CCSER1: variants seen among roughly 807,000 people sequenced by gnomAD.
CCSER1 encodes serine-rich coiled-coil domain-containing protein 1.
A neutral mutation model predicts 82.0 loss-of-function variants in CCSER1; 41 were observed. The observed-to-expected ratio is 0.50, with a 90% CI of 0.39 to 0.65. The LOEUF is 0.65. Among genes scored for constraint, CCSER1 ranks in the 30% least tolerant of loss-of-function variants. The pLI, the probability that CCSER1 is intolerant of heterozygous loss-of-function variation, is 0.00. For synonymous variants in CCSER1, 414 were observed against 383.9 expected (o/e 1.08, Z -0.92); for missense variants, 1,119 against 1,064.2 (o/e 1.05, Z -0.72).
intron 3 of CCSER1, among the ~76,000 whole-genome samples, chr4:90,358,628 A>G (rs1744755294): frequency 6.6e-6 from 1 of 152,146 alleles, no homozygotes; most frequent in Non-Finnish European, 1.5e-5. Context: ...AATTTGTTGT[A>G]TTTATAATAC....
At chr4:90,937,065 A>G (rs902073723) in intron 9 of CCSER1, among the ~76,000 whole-genome samples, 2 of 152,226 alleles carry the variant, frequency 1.3e-5, no homozygotes, top group Non-Finnish European at 2.9e-5. Flanking sequence ...TATTCTAGTC[A>G]ATGAAGACAG....
intron 7 of CCSER1, among the ~76,000 whole-genome samples, chr4:90,749,704 G>T (rs1748234979): frequency 6.6e-6 from 1 of 151,986 alleles, no homozygotes; most frequent in African/African-American, 2.4e-5. Context: ...TTGGACATTT[G>T]GGTTGGTTCC....
intron 10 of CCSER1, among the ~76,000 whole-genome samples, chr4:91,445,468 C>T (rs539379509): frequency 6.8e-4 from 103 of 151,184 alleles, no homozygotes; most frequent in African/African-American, 2.4e-3. Flanking sequence ...TTCTCCCAAG[C>T]GGTCACAGTG....
chr4:90,981,725 G>A (rs954650021), intron 9 of CCSER1, among the ~76,000 whole-genome samples: 6 of 151,840 alleles, frequency 4.0e-5, no homozygotes, highest in South Asian at 2.1e-4. Flanking sequence ...GGATAACTAC[G>A]TGAGCTCTGA....
chr4:91,069,034 TGCGGTG>T (rs756574158), intron 9 of CCSER1, among the ~76,000 whole-genome samples: 14 of 151,912 alleles, frequency 9.2e-5, no homozygotes, highest in Non-Finnish European at 1.5e-4. Context: ...ATTAGCTGGG[TGCGGTG>T]GCATGCACCT....
Position 90,628,166 on chromosome 4 carries a change from A to T in CCSER1, c.1866A>T (p.Arg622Ser). ...GAGGCATAGATTCTCTGCCATTCAG[A>T]CTGATGTTACAGGACTGCACGGCAG... Reference protein sequence around the residue: ...ENGGIDSLPFRLMLQDCTAVK... With the variant: ...ENGGIDSLPFSLMLQDCTAVK... The change falls in exon 6 of 11, where the codon AGA (arginine) becomes AGT (serine). Residue 622 changes from arginine (R) to serine (S), a missense_variant. Transcript: ENST00000509176. The T allele has an allele frequency of 6.2e-7, 1 of 1,613,898 alleles. No homozygotes were observed.
intron 9 of CCSER1, among the ~76,000 whole-genome samples, chr4:91,076,965 A>C (rs1033326116): frequency 4.6e-5 from 7 of 152,196 alleles, no homozygotes; most frequent in Non-Finnish European, 1.0e-4. Context: ...GAAATACACA[A>C]AGAGCTCTAG....
chr4:91,402,245 A>AT (rs1308544684), intron 10 of CCSER1, among the ~76,000 whole-genome samples: 1 of 149,858 alleles, frequency 6.7e-6, no homozygotes, highest in Non-Finnish European at 1.5e-5. Flanking sequence ...GATGGGGTTG[A>AT]TTTTTTTCTT....
At chr4:91,470,584 C>G (rs546486638) in intron 10 of CCSER1, among the ~76,000 whole-genome samples, 96 of 152,176 alleles carry the variant, frequency 6.3e-4, no homozygotes, top group Admixed American at 1.2e-3. Flanking sequence ...CAGACATGAG[C>G]CACACCACCT....
At chr4:90,761,995 T>C (rs753933577) in intron 7 of CCSER1, among the ~76,000 whole-genome samples, 1 of 152,116 alleles carries the variant, frequency 6.6e-6, no homozygotes. Flanking sequence ...TAAGGAAATA[T>C]AAAAACATAT....
At chr4:91,436,351 T>C (rs1754648949) in intron 10 of CCSER1, among the ~76,000 whole-genome samples, 1 of 152,154 alleles carries the variant, frequency 6.6e-6, no homozygotes, top group African/African-American at 2.4e-5. Context: ...TGTACTGATA[T>C]TTATGATGTT....
chr4:90,473,034 A>G (rs1400581700), intron 5 of CCSER1, among the ~76,000 whole-genome samples: 1 of 152,164 alleles, frequency 6.6e-6, no homozygotes, highest in Non-Finnish European at 1.5e-5. Context: ...TAAATTTATA[A>G]AAATCCTACT....
chr4:91,428,794 T>G (rs910824475), intron 10 of CCSER1, among the ~76,000 whole-genome samples: 17 of 152,210 alleles, frequency 1.1e-4, no homozygotes, highest in African/African-American at 4.1e-4. Flanking sequence ...TTATTGCATT[T>G]TAGTATTGTT....
intron 9 of CCSER1, among the ~76,000 whole-genome samples, chr4:91,027,140 G>C (rs1740556400): frequency 2.0e-5 from 3 of 151,966 alleles, no homozygotes; most frequent in Admixed American, 2.0e-4. Context: ...AATGGAGGAT[G>C]CTCCAAGTTA....
chr4:91,357,663 G>A (rs983152908), intron 10 of CCSER1, among the ~76,000 whole-genome samples: 5 of 151,038 alleles, frequency 3.3e-5, no homozygotes, highest in African/African-American at 1.2e-4. Flanking sequence ...TTTTTTAATG[G>A]TACTCAGGAG....
chr4:91,087,845 ACTT>A (rs1723537585), intron 10 of CCSER1, among the ~76,000 whole-genome samples: 1 of 152,152 alleles, frequency 6.6e-6, no homozygotes, highest in South Asian at 2.1e-4. Context: ...CAATGTAACT[ACTT>A]ACCTTAACTT....
chr4:90,646,959 C>G (rs776018003), intron 6 of CCSER1, among the ~76,000 whole-genome samples: 1 of 152,062 alleles, frequency 6.6e-6, no homozygotes, highest in African/African-American at 2.4e-5. Flanking sequence ...CTCATCCCCC[C>G]ACCCCAACAC....
At chr4:90,558,322 A>C (rs542868354) in intron 5 of CCSER1, among the ~76,000 whole-genome samples, 1 of 152,332 alleles carries the variant, frequency 6.6e-6, no homozygotes, top group African/African-American at 2.4e-5. Context: ...TAAACTAAAT[A>C]AAATTAACAT....
intron 10 of CCSER1, among the ~76,000 whole-genome samples, chr4:91,169,692 A>C (rs1732551463): frequency 6.6e-6 from 1 of 152,036 alleles, no homozygotes; most frequent in Admixed American, 6.6e-5. Flanking sequence ...TTAAGTTTAG[A>C]ATTGTTAAAA....
Sources: allele counts gnomAD v4.1 joint callset (sites outside exome capture counted in the v4.1 genomes callset), GRCh38; gene constraint gnomAD v4.1.1; transcripts MANE v1.5; gene names NCBI Gene and HGNC (gene_info 2026-07-23, HGNC 2026-07-21).